The following SSBP3 variants were observed in gnomAD, a reference collection of about 807,000 sequenced individuals.
The protein encoded by SSBP3 is single-stranded DNA-binding protein 3.
Under a neutral mutation model 69.6 loss-of-function variants are expected in SSBP3, and 5 were observed. The observed-to-expected ratio is 0.07, with a 90% CI of 0.04 to 0.15. The LOEUF (loss-of-function observed/expected upper bound fraction) is 0.15, where lower values mean the gene tolerates loss of function less well. SSBP3 is among the 10% of genes least tolerant of loss of function. The pLI is 1.00. For missense variants in SSBP3, 312 were observed against 534.0 expected (o/e 0.58, Z 4.10); for synonymous variants, 196 against 193.4 (o/e 1.01, Z -0.11).
intron 4 of SSBP3, among the ~76,000 whole-genome samples, chr1:54,309,494 G>A (rs757252480): frequency 1.2e-4 from 19 of 152,164 alleles, no homozygotes; most frequent in Admixed American, 7.9e-4. Context: ...TGATATCTAG[G>A]GAAACATTCC....
Position 54,257,268 on chromosome 1 carries a change from C to G in SSBP3, c.448-82G>C, listed in dbSNP as rs146736186. On this transcript the variant is annotated intron_variant, in intron 6 of 17. Coordinates refer to ENST00000610401, the Ensembl canonical transcript of SSBP3. ...ACAAATGCTCTCCACTCCACAAAGTCCAGTTTTGTTATAACTAGTGATCTT... is the reference window on the plus strand; with the variant it reads ...ACAAATGCTCTCCACTCCACAAAGTGCAGTTTTGTTATAACTAGTGATCTT... The G allele has an allele frequency of 4.6e-5, 59 of 1,273,758 alleles. No individual in the cohort carries two copies. The East Asian group carries it at 1.6e-3, about 34-fold the overall frequency. 78.9% of individuals were successfully genotyped at this position (1,273,758 alleles called of 1,614,324 possible). A position where few individuals can be genotyped will look rare whatever the true frequency, so the allele number is the denominator to read the frequency against.
intron 4 of SSBP3, among the ~76,000 whole-genome samples, chr1:54,320,420 C>T (rs532639632): frequency 2.2e-4 from 34 of 152,264 alleles, no homozygotes; most frequent in African/African-American, 7.9e-4. Context: ...TGGGTTCAAG[C>T]AATTCTCCTC....
chr1:54,375,353 T>TGCAGCATGCATGCATGCATGCA (rs10645370), intron 4 of SSBP3, among the ~76,000 whole-genome samples: 2 of 151,594 alleles, frequency 1.3e-5, no homozygotes, highest in Admixed American at 6.6e-5. Flanking sequence ...CATGCATGCA[T>TGCAGCATGCATGCATGCATGCA]GCATGCATTC....
At chr1:54,402,294 T>C (rs1197737124) in intron 3 of SSBP3, among the ~76,000 whole-genome samples, 1 of 152,222 alleles carries the variant, frequency 6.6e-6, no homozygotes, top group Non-Finnish European at 1.5e-5. Flanking sequence ...AACCTACTCA[T>C]GGATGCCCTA....
chr1:54,263,049 T>C (rs1645042336), intron 5 of SSBP3, among the ~76,000 whole-genome samples: 1 of 152,196 alleles, frequency 6.6e-6, no homozygotes, highest in Admixed American at 6.5e-5. Flanking sequence ...TAGTGTTCCA[T>C]CCAGCAGCTC....
At chr1:54,316,129 G>A (rs1159894937) in intron 4 of SSBP3, among the ~76,000 whole-genome samples, 1 of 151,666 alleles carries the variant, frequency 6.6e-6, no homozygotes, top group African/African-American at 2.4e-5. Flanking sequence ...AAGATCACAA[G>A]GTCAGAAGAT....
At position 54,240,114 on chromosome 1, in the gene SSBP3, GCGCGCGCAACACATGCCCA is replaced by G. The variant is rs1322980480; in HGVS notation, c.856+772_856+790del. Among the ~76,000 whole-genome samples, 10 of 8,470 alleles carry G rather than the reference GCGCGCGCAACACATGCCCA, an allele frequency of 1.2e-3. 1 individual carries two copies. The highest frequency in any genetic ancestry group is 8.3e-3 in the South Asian group (1 of 120). The allele number at this position is 8,470 out of a possible 152,430, so 5.6% of individuals were successfully genotyped here. On this transcript the variant is annotated intron_variant, in intron 13 of 17. Coordinates refer to ENST00000610401, the Ensembl canonical transcript of SSBP3. ...CGCGCGCGCGCGTGTGCGTGCGCGC[GCGCGCGCAACACATGCCCA>G]CGTATGTGCACGCATGCCCTCTTTT...
At chr1:54,305,435 A>AGTT (rs911594600) in intron 4 of SSBP3, among the ~76,000 whole-genome samples, 3 of 152,100 alleles carry the variant, frequency 2.0e-5, no homozygotes, top group African/African-American at 7.2e-5. Flanking sequence ...CTATGGCTGG[A>AGTT]GTTGGAGTTT....
intron 4 of SSBP3, among the ~76,000 whole-genome samples, chr1:54,344,477 G>A (rs554090781): frequency 1.3e-5 from 2 of 152,262 alleles, no homozygotes; most frequent in African/African-American, 2.4e-5. Flanking sequence ...ATAGAGAATG[G>A]GGTGATTCGA....
At chr1:54,318,805 T>C (rs759105040) in intron 4 of SSBP3, among the ~76,000 whole-genome samples, 17 of 152,188 alleles carry the variant, frequency 1.1e-4, no homozygotes, top group Non-Finnish European at 1.9e-4. Flanking sequence ...CAGACTATTA[T>C]ATCACTGTAC....
intron 9 of SSBP3, among the ~76,000 whole-genome samples, chr1:54,248,698 A>T (rs1310851637): frequency 6.6e-6 from 1 of 152,028 alleles, no homozygotes; most frequent in Non-Finnish European, 1.5e-5. Flanking sequence ...TGCACCATCA[A>T]CCTTGTCTGG....
At chr1:54,288,862 C>A (rs1028721855) in intron 4 of SSBP3, among the ~76,000 whole-genome samples, 3 of 150,806 alleles carry the variant, frequency 2.0e-5, no homozygotes, top group Non-Finnish European at 4.4e-5. Flanking sequence ...CTAAAAATAC[C>A]AAAAAAAATC....
chr1:54,307,724 G>A (rs947898796), intron 4 of SSBP3, among the ~76,000 whole-genome samples: 1 of 152,130 alleles, frequency 6.6e-6, no homozygotes, highest in Non-Finnish European at 1.5e-5. Context: ...CCAAGATGGC[G>A]ACAAGAGTGA....
intron 4 of SSBP3, among the ~76,000 whole-genome samples, chr1:54,378,700 C>A (rs985538323): frequency 6.6e-6 from 1 of 152,114 alleles, no homozygotes; most frequent in Non-Finnish European, 1.5e-5. Flanking sequence ...TCTGTTGTTT[C>A]GAGGGGAGTG....
intron 4 of SSBP3, among the ~76,000 whole-genome samples, chr1:54,352,816 T>C (rs1646801436): frequency 6.6e-6 from 1 of 152,200 alleles, no homozygotes; most frequent in African/African-American, 2.4e-5. Flanking sequence ...GAGAGTAAAC[T>C]GTCATGTTTT....
Position 54,258,253 on chromosome 1 carries a change from C to T in SSBP3, c.367-104G>A, listed in dbSNP as rs527827716. ...TTAAACCAAAACGAAGGGTGGGCGG[C>T]GGGCGTGCGGGGGGGTGGGCTCTGG... On this transcript the variant is annotated intron_variant, in intron 5 of 17. Coordinates refer to ENST00000610401, the Ensembl canonical transcript of SSBP3. The surrounding 1 kb of genome is among the most constrained non-coding windows in gnomAD (Gnocchi z 4.5). 4 of 193,716 alleles carry T rather than the reference C, an allele frequency of 2.1e-5. No homozygotes were observed. The highest frequency in any genetic ancestry group is 3.0e-5 in the African/African-American group (1 of 32,958). The allele number at this position is 193,716 out of a possible 1,614,324, so 12.0% of individuals were successfully genotyped here. A position where few individuals can be genotyped will look rare whatever the true frequency, so the allele number is the denominator to read the frequency against.
chr1:54,299,119 G>C (rs1645754820), intron 4 of SSBP3, among the ~76,000 whole-genome samples: 1 of 152,086 alleles, frequency 6.6e-6, no homozygotes, highest in Non-Finnish European at 1.5e-5. Context: ...TTTTAGAAGA[G>C]ACAGGACTCT....
intron 4 of SSBP3, among the ~76,000 whole-genome samples, chr1:54,327,205 G>A (rs1279232013): frequency 7.1e-6 from 1 of 140,370 alleles, no homozygotes; most frequent in Non-Finnish European, 1.5e-5. Context: ...TGCTCAACAG[G>A]AAAGAGAGGG....
chr1:54,368,632 T>C (rs1647068272), intron 4 of SSBP3, among the ~76,000 whole-genome samples: 1 of 152,174 alleles, frequency 6.6e-6, no homozygotes, highest in South Asian at 2.1e-4. Context: ...ACTTCTGAGA[T>C]CTGCAATGCA....
Sources: gnomAD v4.1 joint callset for allele counts (sites outside exome capture counted in the v4.1 genomes callset) on GRCh38, gnomAD v4.1.1 for gene constraint, Gnocchi (gnomAD v3.1) non-coding constraint, MANE v1.5 for transcripts, NCBI Gene and HGNC (gene_info 2026-07-23, HGNC 2026-07-21) for gene names.